LRRC37A2: variants seen among roughly 807,000 people sequenced by gnomAD.
The protein encoded by LRRC37A2 is leucine-rich repeat-containing protein 37A2.
Under a neutral mutation model 68.8 loss-of-function variants are expected in LRRC37A2, and 9 were observed. That is an observed-to-expected ratio of 0.13 (90% CI 0.08 to 0.23). The LOEUF (loss-of-function observed/expected upper bound fraction) is 0.23, where lower values mean the gene tolerates loss of function less well. LRRC37A2 is among the 10% of genes least tolerant of loss of function. The probability of loss-of-function intolerance (pLI) is 1.00; values close to 1 mark genes in which losing one functional copy is unlikely to be tolerated. For missense variants in LRRC37A2, 168 were observed against 950.4 expected (o/e 0.18, Z 10.82); for synonymous variants, 63 against 367.6 (o/e 0.17, Z 9.48).
the LRRC37A2 span, among the ~76,000 whole-genome samples, chr17:46,786,032 A>G: frequency 6.6e-6 from 1 of 152,196 alleles, no homozygotes; most frequent in Non-Finnish European, 1.5e-5. Flanking sequence ...TGTTGTGAGC[A>G]TGAAGTGCTT....
the LRRC37A2 span, among the ~76,000 whole-genome samples, chr17:46,867,262 A>T: frequency 6.6e-5 from 10 of 152,354 alleles, no homozygotes; most frequent in South Asian, 2.1e-3. Flanking sequence ...ACAAATACTT[A>T]TCTGGAGCTT....
chr17:46,817,050 C>T, the LRRC37A2 span, among the ~76,000 whole-genome samples: 1 of 152,212 alleles, frequency 6.6e-6, no homozygotes, highest in Admixed American at 6.5e-5. Context: ...AGAAGAAAGA[C>T]TTCCCCTTGG....
At chr17:46,781,849 C>T in the LRRC37A2 span, among the ~76,000 whole-genome samples, 3 of 152,172 alleles carry the variant, frequency 2.0e-5, no homozygotes, top group East Asian at 1.9e-4. Context: ...TTCCTCTATA[C>T]GGGAAGATTG....
the LRRC37A2 span, chr17:46,851,762 C>T: frequency 2.0e-6 from 2 of 1,018,588 alleles, no homozygotes; most frequent in Non-Finnish European, 2.5e-6. This position sits in a 1 kb window ranked among gnomAD's most constrained non-coding sequence, Gnocchi z 4.3. Context: ...CTGCCTGTCT[C>T]TCCCTCCTGC....
the LRRC37A2 span, chr17:47,019,444 T>C: frequency 8.2e-5 from 132 of 1,610,392 alleles, no homozygotes; most frequent in East Asian, 1.1e-4. Context: ...CCTCCAGACC[T>C]AGGGCTTGCC....
chr17:46,850,724 G>A, the LRRC37A2 span, among the ~76,000 whole-genome samples: 1 of 152,276 alleles, frequency 6.6e-6, no homozygotes, highest in South Asian at 2.1e-4. Flanking sequence ...AGCAGAAATT[G>A]GGGTTAAACT....
At chr17:46,978,759 G>A in the LRRC37A2 span, 1 of 1,612,660 alleles carries the variant, frequency 6.2e-7, no homozygotes, top group South Asian at 1.1e-5. Flanking sequence ...GGAAGAAGAC[G>A]CCGAAGACCA....
chr17:46,860,251 A>G, the LRRC37A2 span, among the ~76,000 whole-genome samples: 1 of 152,110 alleles, frequency 6.6e-6, no homozygotes. Flanking sequence ...AGAGGAGGGA[A>G]GCGGGGCCGG....
the LRRC37A2 span, among the ~76,000 whole-genome samples, chr17:46,803,153 T>G: frequency 3.9e-5 from 6 of 152,226 alleles, no homozygotes; most frequent in African/African-American, 1.4e-4. Context: ...ATGCACGCAT[T>G]TGGTCGCAGA....
chr17:46,972,220 T>C, the LRRC37A2 span, among the ~76,000 whole-genome samples: 1 of 152,304 alleles, frequency 6.6e-6, no homozygotes, highest in South Asian at 2.1e-4. Flanking sequence ...CCTGCTTTGC[T>C]TCTCCCGCCA....
At chr17:46,801,642 GAATTAAATTA>G in the LRRC37A2 span, among the ~76,000 whole-genome samples, 1 of 147,374 alleles carries the variant, frequency 6.8e-6, no homozygotes, top group Admixed American at 6.8e-5. Flanking sequence ...GAATTGAATT[GAATTAAATTA>G]AATTAAATTA....
At chr17:46,944,559 G>T in the LRRC37A2 span, among the ~76,000 whole-genome samples, 1 of 151,962 alleles carries the variant, frequency 6.6e-6, no homozygotes, top group Non-Finnish European at 1.5e-5. Flanking sequence ...CCCCAGAGAT[G>T]CCGAGCTACC....
At chr17:46,956,805 G>A in the LRRC37A2 span, among the ~76,000 whole-genome samples, 1 of 152,204 alleles carries the variant, frequency 6.6e-6, no homozygotes, top group Admixed American at 6.5e-5. Flanking sequence ...TCAGCATGCT[G>A]CCCTGCCTTT....
chr17:47,018,366 G>A, the LRRC37A2 span: 2 of 1,611,112 alleles, frequency 1.2e-6, no homozygotes, highest in Non-Finnish European at 1.7e-6. Flanking sequence ...ACATCATGAA[G>A]TCACAGTTTC....
At chr17:46,780,057 A>G in the LRRC37A2 span, among the ~76,000 whole-genome samples, 13 of 152,208 alleles carry the variant, frequency 8.5e-5, no homozygotes, top group African/African-American at 2.9e-4. Flanking sequence ...ATGCCTGGCC[A>G]TAGAGAACAT....
chr17:46,878,724 G>T, the LRRC37A2 span, among the ~76,000 whole-genome samples: 1 of 152,174 alleles, frequency 6.6e-6, no homozygotes, highest in Non-Finnish European at 1.5e-5. Flanking sequence ...GGGCCTGGGA[G>T]CAACGTGGAG....
At chr17:46,709,755 A>G in the LRRC37A2 span, among the ~76,000 whole-genome samples, 9 of 152,160 alleles carry the variant, frequency 5.9e-5, no homozygotes, top group Non-Finnish European at 1.0e-4. Flanking sequence ...TCAGCCTCCC[A>G]AAGTGCTGGG....
the LRRC37A2 span, chr17:46,929,470 C>T: frequency 1.2e-5 from 11 of 909,582 alleles, no homozygotes; most frequent in South Asian, 2.6e-5. Context: ...CTGACTGAAG[C>T]GCTGTTGATT....
the LRRC37A2 span, among the ~76,000 whole-genome samples, chr17:46,812,074 G>A: frequency 2.6e-5 from 4 of 152,316 alleles, no homozygotes; most frequent in African/African-American, 4.8e-5. Context: ...TTTCCAGCCC[G>A]TCGCCATCCA....
Sources: gnomAD v4.1 joint callset for allele counts (sites outside exome capture counted in the v4.1 genomes callset) on GRCh38, gnomAD v4.1.1 for gene constraint, Gnocchi (gnomAD v3.1) non-coding constraint, MANE v1.5 for transcripts, NCBI Gene and HGNC (gene_info 2026-07-23, HGNC 2026-07-21) for gene names.